LRMDA: variants seen among roughly 807,000 people sequenced by gnomAD.
LRMDA encodes the protein leucine-rich melanocyte differentiation-associated protein.
Under a neutral mutation model 29.8 loss-of-function variants are expected in LRMDA, and 18 were observed. The observed-to-expected ratio is 0.60, with a 90% CI of 0.42 to 0.90. The LOEUF (loss-of-function observed/expected upper bound fraction) is 0.90. Ranked by LOEUF, LRMDA falls within the 40% of genes least tolerant of loss-of-function variation. LRMDA has a pLI of 0.00. For missense variants in LRMDA, 273 were observed against 273.9 expected (o/e 1.00, Z 0.02); for synonymous variants, 125 against 109.4 (o/e 1.14, Z -0.89).
intron 6 of LRMDA, among the ~76,000 whole-genome samples, chr10:76,392,600 G>T (rs1031291364): frequency 2.6e-5 from 4 of 152,014 alleles, no homozygotes; most frequent in African/African-American, 9.7e-5. Context: ...ACAAGTTTCA[G>T]ATTTTTGAGT....
chr10:76,287,035 A>G (rs1323904091), intron 5 of LRMDA, among the ~76,000 whole-genome samples: 3 of 152,142 alleles, frequency 2.0e-5, no homozygotes, highest in Non-Finnish European at 2.9e-5. Context: ...TGATATAATT[A>G]TTTATGCTGG....
intron 2 of LRMDA, among the ~76,000 whole-genome samples, chr10:76,020,709 T>C (rs926941582): frequency 6.6e-6 from 1 of 152,210 alleles, no homozygotes; most frequent in Admixed American, 6.5e-5. Context: ...CCCCTCACCA[T>C]GGCAACCTCC....
At chr10:75,868,399 T>C (rs753780315) in intron 2 of LRMDA, among the ~76,000 whole-genome samples, 1 of 152,184 alleles carries the variant, frequency 6.6e-6, no homozygotes, top group Non-Finnish European at 1.5e-5. Flanking sequence ...ATTTTCACTG[T>C]CTGTATTACA....
intron 2 of LRMDA, among the ~76,000 whole-genome samples, chr10:76,029,041 T>C (rs995053775): frequency 6.6e-6 from 1 of 152,162 alleles, no homozygotes; most frequent in Admixed American, 6.5e-5. Flanking sequence ...GGTCTTGATC[T>C]CTTGACCTCA....
intron 2 of LRMDA, among the ~76,000 whole-genome samples, chr10:75,743,130 G>C (rs375397577): frequency 1.2e-4 from 18 of 152,206 alleles, no homozygotes; most frequent in South Asian, 4.2e-4. Context: ...GAGCTGGGAG[G>C]GGGTGGTAAG....
chr10:75,454,365 G>A (rs1032004554), intron 2 of LRMDA, among the ~76,000 whole-genome samples: 1 of 152,110 alleles, frequency 6.6e-6, no homozygotes, highest in Non-Finnish European at 1.5e-5. Flanking sequence ...GTAGTAAAAC[G>A]GGCAGGAGAC....
At chr10:75,754,542 G>A (rs1373950137) in intron 2 of LRMDA, among the ~76,000 whole-genome samples, 1 of 152,104 alleles carries the variant, frequency 6.6e-6, no homozygotes, top group Admixed American at 6.5e-5. Context: ...ACTGCACGGG[G>A]TGAACTTTTA....
intron 6 of LRMDA, among the ~76,000 whole-genome samples, chr10:76,530,164 A>G (rs750751406): frequency 3.3e-5 from 5 of 152,188 alleles, no homozygotes; most frequent in African/African-American, 1.2e-4. Context: ...TTGATTTCCA[A>G]CTGGAATGCA....
In LRMDA at chr10:76,559,273, C is replaced by T. The variant is rs1469319992; in HGVS notation, c.*1985C>T. 2.6e-5 allele frequency: 4 copies of T among 152,074 alleles called. No individual in the cohort carries two copies. The highest frequency in any genetic ancestry group is 5.9e-5 in the Non-Finnish European group (4 of 68,016). 9.4% of individuals were successfully genotyped at this position (152,074 alleles called of 1,614,324 possible). A position where few individuals can be genotyped will look rare whatever the true frequency, so the allele number is the denominator to read the frequency against. ...CTTACTTGTTTACTTTTTTTAATGT[C>T]AGAACCATTTGTATCATGCGCAGGA... On this transcript the variant is annotated 3_prime_UTR_variant, in exon 7 of 7. Transcript: ENST00000611255.
chr10:76,012,171 C>T (rs1847794410), intron 2 of LRMDA, among the ~76,000 whole-genome samples: 1 of 152,204 alleles, frequency 6.6e-6, no homozygotes, highest in East Asian at 1.9e-4. Context: ...CATTGGGCTT[C>T]TGTTTACCGG....
chr10:76,463,303 C>T (rs1205347734), intron 6 of LRMDA, among the ~76,000 whole-genome samples: 1 of 152,166 alleles, frequency 6.6e-6, no homozygotes, highest in Admixed American at 6.5e-5. Context: ...CAAGTGGGAC[C>T]TATGGATTTT....
At chr10:76,461,213 G>A (rs567911199) in intron 6 of LRMDA, among the ~76,000 whole-genome samples, 1 of 152,098 alleles carries the variant, frequency 6.6e-6, no homozygotes, top group Non-Finnish European at 1.5e-5. Flanking sequence ...GCAAATATTT[G>A]TGCCTCATCC....
chr10:76,148,838 G>A (rs111685442), intron 5 of LRMDA, among the ~76,000 whole-genome samples: 3,093 of 152,068 alleles, frequency 0.02, 115 homozygotes, highest in African/African-American at 0.07. Flanking sequence ...TGGCTCCTCC[G>A]TTATTATCTT....
chr10:75,803,374 G>A (rs11597455), intron 2 of LRMDA, among the ~76,000 whole-genome samples: 18 of 152,190 alleles, frequency 1.2e-4, no homozygotes, highest in Non-Finnish European at 1.9e-4. Flanking sequence ...AGTATCATTC[G>A]GCCTTTTATA....
At chr10:76,208,346 G>A (rs1461859414) in intron 5 of LRMDA, among the ~76,000 whole-genome samples, 1 of 152,156 alleles carries the variant, frequency 6.6e-6, no homozygotes, top group Non-Finnish European at 1.5e-5. Context: ...TGCCTTTCAA[G>A]GGTCTTTATA....
chr10:76,383,143 T>C (rs910551903), intron 6 of LRMDA, among the ~76,000 whole-genome samples: 2 of 152,186 alleles, frequency 1.3e-5, no homozygotes, highest in African/African-American at 4.8e-5. Context: ...CAAGTGTGTC[T>C]CCAGGCCCAG....
chr10:76,152,877 G>A (rs1589353172), intron 5 of LRMDA, among the ~76,000 whole-genome samples: 2 of 151,028 alleles, frequency 1.3e-5, no homozygotes, highest in Non-Finnish European at 2.9e-5. Flanking sequence ...GTATCACTCT[G>A]TAGTCCAGGC....
At chr10:75,618,057 G>C (rs1841127433) in intron 2 of LRMDA, among the ~76,000 whole-genome samples, 1 of 152,096 alleles carries the variant, frequency 6.6e-6, no homozygotes, top group Non-Finnish European at 1.5e-5. Flanking sequence ...CTCATCTAAG[G>C]GATATTCTTT....
chr10:76,268,460 C>T (rs896080922), intron 5 of LRMDA, among the ~76,000 whole-genome samples: 2 of 152,100 alleles, frequency 1.3e-5, no homozygotes, highest in African/African-American at 4.8e-5. Flanking sequence ...GGTATTTACA[C>T]CTCTCTCTTT....
Sources: allele counts gnomAD v4.1 joint callset (sites outside exome capture counted in the v4.1 genomes callset), GRCh38; gene constraint gnomAD v4.1.1; transcripts MANE v1.5; gene names NCBI Gene and HGNC (gene_info 2026-07-23, HGNC 2026-07-21).